The following CUBN variants were observed in gnomAD, a reference collection of about 807,000 sequenced individuals.
The protein encoded by CUBN is 460 kDa receptor.
CUBN carries 282 observed loss-of-function variants against 405.3 expected under a neutral mutation model. That is an observed-to-expected ratio of 0.70 (90% CI 0.63 to 0.77). The LOEUF is 0.77. CUBN is among the 30% of genes least tolerant of loss of function. The probability of loss-of-function intolerance (pLI) is 0.00; values close to 1 mark genes in which losing one functional copy is unlikely to be tolerated. For missense variants in CUBN, 4,514 were observed against 4,475.2 expected (o/e 1.01, Z -0.25); for synonymous variants, 1,684 against 1,617.0 (o/e 1.04, Z -0.99).
intron 30 of CUBN, 35 bp downstream of exon 30, chr10:16,984,070 T>A (rs763929882): frequency 1.3e-5 from 21 of 1,611,696 alleles, no homozygotes; most frequent in Middle Eastern, 1.6e-4. Flanking sequence ...AGGGCTCGGC[T>A]TAAGTACTTT....
intron 27 of CUBN, among the ~76,000 whole-genome samples, chr10:17,030,276 C>T (rs1041722932): frequency 1.9e-4 from 29 of 151,904 alleles, no homozygotes; most frequent in African/African-American, 7.0e-4. Context: ...CATCCTGAAA[C>T]CACCCTCCCA....
At chr10:16,991,294 G>A (rs777457855) in intron 28 of CUBN, among the ~76,000 whole-genome samples, 1 of 152,192 alleles carries the variant, frequency 6.6e-6, no homozygotes, top group Non-Finnish European at 1.5e-5. Flanking sequence ...ACCACATGAG[G>A]TAGGTACTGT....
chr10:16,942,684 AAAC>A (rs1842681873), intron 36 of CUBN, among the ~76,000 whole-genome samples: 1 of 152,222 alleles, frequency 6.6e-6, no homozygotes, highest in South Asian at 2.1e-4. Context: ...TCAAAAAGTT[AAAC>A]ATAGTATTAT....
intron 33 of CUBN, among the ~76,000 whole-genome samples, chr10:16,950,738 G>A (rs140231852): frequency 1.3e-5 from 2 of 152,214 alleles, no homozygotes; most frequent in Non-Finnish European, 2.9e-5. Context: ...TAAATAAGAG[G>A]ACTCCTGGGT....
intron 31 of CUBN, among the ~76,000 whole-genome samples, chr10:16,972,352 T>G (rs557845524): frequency 2.3e-4 from 35 of 152,272 alleles, no homozygotes; most frequent in African/African-American, 7.2e-4. Flanking sequence ...AACTCTTATG[T>G]CAAACTATAT....
chr10:16,887,923 G>A (rs1282724525), intron 56 of CUBN, among the ~76,000 whole-genome samples: 1 of 152,176 alleles, frequency 6.6e-6, no homozygotes, highest in Non-Finnish European at 1.5e-5. Context: ...TGTCATTTGT[G>A]ACAACATGGA....
intron 36 of CUBN, among the ~76,000 whole-genome samples, chr10:16,943,365 G>A (rs372850710): frequency 2.0e-5 from 3 of 152,160 alleles, no homozygotes; most frequent in South Asian, 4.1e-4. Flanking sequence ...ATCCACATCA[G>A]ACAAAACAAA....
chr10:17,042,582 T>G (rs1835042578), intron 26 of CUBN, among the ~76,000 whole-genome samples: 1 of 152,048 alleles, frequency 6.6e-6, no homozygotes. Flanking sequence ...TAACCAGAAA[T>G]AGATTAGCAC....
intron 15 of CUBN, among the ~76,000 whole-genome samples, chr10:17,086,930 G>A (rs2131867063): frequency 6.6e-6 from 1 of 152,176 alleles, no homozygotes; most frequent in Admixed American, 6.5e-5. Flanking sequence ...TTAACTTGAT[G>A]GAATTTATTG....
intron 1 of CUBN, 24 bp downstream of exon 1, chr10:17,129,620 G>C: frequency 6.2e-7 from 1 of 1,614,068 alleles, no homozygotes; most frequent in African/African-American, 1.3e-5. Context: ...TCCCTGAGCA[G>C]GAATGACCCA....
intron 28 of CUBN, among the ~76,000 whole-genome samples, chr10:17,015,070 T>G (rs1834291190): frequency 6.6e-6 from 1 of 152,270 alleles, no homozygotes; most frequent in South Asian, 2.1e-4. Flanking sequence ...GACCTTTTGA[T>G]TATTGTACTC....
intron 31 of CUBN, among the ~76,000 whole-genome samples, chr10:16,956,362 A>C (rs1030004871): frequency 5.9e-5 from 9 of 151,948 alleles, no homozygotes; most frequent in Non-Finnish European, 1.0e-4. Flanking sequence ...ATGAAACCTG[A>C]TGACTGATTT....
At chr10:16,836,763 A>C (rs1424930885) in intron 62 of CUBN, among the ~76,000 whole-genome samples, 2 of 152,176 alleles carry the variant, frequency 1.3e-5, no homozygotes, top group African/African-American at 4.8e-5. Context: ...CATGGGACTA[A>C]CAACCACCAT....
chr10:16,852,204 C>T (rs1839731543), intron 59 of CUBN, among the ~76,000 whole-genome samples: 1 of 126,052 alleles, frequency 7.9e-6, no homozygotes, highest in Non-Finnish European at 1.7e-5. Context: ...TCTATCTTTC[C>T]CTTCCTCACT....
At chr10:17,058,402 G>T (rs1835438518) in intron 22 of CUBN, among the ~76,000 whole-genome samples, 1 of 151,974 alleles carries the variant, frequency 6.6e-6, no homozygotes, top group Admixed American at 6.6e-5. Flanking sequence ...TATGTTAAAA[G>T]CTTGAAAGTT....
At position 17,071,482 on chromosome 10, in the gene CUBN, T is replaced by C. The variant is rs1412507048; in HGVS notation, c.2569A>G (p.Asn857Asp). The C allele has an allele frequency of 6.2e-7, 1 of 1,614,018 alleles. No homozygotes were observed. Among genetic ancestry groups the C allele is most frequent in the Non-Finnish European group, 8.5e-7 (1 of 1,179,950 alleles). ...HQPQSQVILLNFTVFEIGSSA... is the reference protein window; with the variant it reads ...HQPQSQVILLDFTVFEIGSSA... ...CTTCCAATTTCAAAGACAGTGAAGTTGAGGAGAATGACTTGGCTTTGGGGC... is the reference window on the plus strand; with the variant it reads ...CTTCCAATTTCAAAGACAGTGAAGTCGAGGAGAATGACTTGGCTTTGGGGC... The change falls in exon 19 of 67, where the codon AAC (asparagine) becomes GAC (aspartate). Residue 857 changes from asparagine (N) to aspartate (D), a missense_variant. Transcript: ENST00000377833.
chr10:17,068,790 G>T lies in CUBN; in HGVS notation c.2626-20C>A, dbSNP rs574908449. On this transcript the variant is annotated intron_variant, in intron 19 of 66. Coordinates refer to ENST00000377833, the MANE Select transcript of CUBN (RefSeq NM_001081.4). ...ACCAATCTAAAATTAGAGAAGATAT[G>T]TTCAAATATGTTGTATATCAATTTT... The T allele has an allele frequency of 3.2e-6, 5 of 1,578,204 alleles. No homozygotes were observed. The African/African-American group carries it at 5.4e-5, about 17-fold the overall frequency.
intron 53 of CUBN, among the ~76,000 whole-genome samples, chr10:16,899,457 C>A (rs1043924422): frequency 7.2e-5 from 11 of 152,174 alleles, no homozygotes; most frequent in Non-Finnish European, 1.5e-4. Flanking sequence ...GATTTCCATC[C>A]TGTCTCCAAA....
intron 37 of CUBN, among the ~76,000 whole-genome samples, 177 bp downstream of exon 37, chr10:16,939,855 G>A (rs1842607040): frequency 6.6e-6 from 1 of 152,132 alleles, no homozygotes; most frequent in South Asian, 2.1e-4. Flanking sequence ...TGCCCTTATT[G>A]AGCCATTCAT....
Sources: gnomAD v4.1 joint callset for allele counts (sites outside exome capture counted in the v4.1 genomes callset) on GRCh38, gnomAD v4.1.1 for gene constraint, MANE v1.5 for transcripts, NCBI Gene and HGNC (gene_info 2026-07-23, HGNC 2026-07-21) for gene names.